TTLL5: variants seen among roughly 807,000 people sequenced by gnomAD.
TTLL5 encodes tubulin polyglutamylase TTLL5.
Under a neutral mutation model 168.4 loss-of-function variants are expected in TTLL5, and 132 were observed. That is an observed-to-expected ratio of 0.78 (90% CI 0.68 to 0.91). The LOEUF is 0.91. TTLL5 is among the 40% of genes least tolerant of loss of function. TTLL5 has a pLI of 0.00. For missense variants in TTLL5, 1,545 were observed against 1,581.5 expected, an observed-to-expected ratio of 0.98 and a Z score of 0.39; for synonymous variants, 546 against 558.6, an observed-to-expected ratio of 0.98 and a Z score of 0.32.
chr14:75,785,459 G>A (rs1474394360), intron 26 of TTLL5, among the ~76,000 whole-genome samples: 6 of 152,104 alleles, frequency 3.9e-5, no homozygotes, highest in African/African-American at 1.4e-4. Flanking sequence ...GATTACAGGC[G>A]TGAGCCACTG....
At chr14:75,696,502 A>G (rs367823614) in intron 6 of TTLL5, among the ~76,000 whole-genome samples, 3 of 152,340 alleles carry the variant, frequency 2.0e-5, no homozygotes, top group African/African-American at 7.2e-5. Flanking sequence ...GCAAAGTGAA[A>G]AAAATATATA....
intron 3 of TTLL5, among the ~76,000 whole-genome samples, chr14:75,673,502 C>G (rs1254997991): frequency 6.6e-6 from 1 of 152,154 alleles, no homozygotes; most frequent in African/African-American, 2.4e-5. Context: ...TTTGGTATTT[C>G]TTAGCTGTGA....
In TTLL5 at chr14:75,663,236, A is replaced by T. The variant is rs1386346178; in HGVS notation, c.74+13A>T. 1 of 1,607,690 alleles carries T rather than the reference A, an allele frequency of 6.2e-7. No individual in the cohort carries two copies. Among genetic ancestry groups the T allele is most frequent in the East Asian group, 2.2e-5 (1 of 44,808 alleles). On this transcript the variant is annotated intron_variant, in intron 2 of 31. Coordinates refer to ENST00000298832, the MANE Select transcript of TTLL5 (RefSeq NM_015072.5). ...TCATAAGTCAAGAGTAAGTAATAGCAAGCCTGCTTTCAACCTGTGCTTTGT... is the reference window on the plus strand; with the variant it reads ...TCATAAGTCAAGAGTAAGTAATAGCTAGCCTGCTTTCAACCTGTGCTTTGT...
At chr14:75,701,496 C>T (rs1018479291) in intron 7 of TTLL5, among the ~76,000 whole-genome samples, 2 of 152,200 alleles carry the variant, frequency 1.3e-5, no homozygotes, top group African/African-American at 4.8e-5. Flanking sequence ...AACATGTTGA[C>T]TCTCAGGCTT....
At chr14:75,867,819 A>G (rs2030653779) in intron 29 of TTLL5, among the ~76,000 whole-genome samples, 1 of 152,070 alleles carries the variant, frequency 6.6e-6, no homozygotes, top group Non-Finnish European at 1.5e-5. Flanking sequence ...CTGAATCTCA[A>G]GAGTTAGGAA....
intron 29 of TTLL5, among the ~76,000 whole-genome samples, chr14:75,881,582 A>G (rs1218562850): frequency 3.3e-5 from 5 of 152,232 alleles, no homozygotes; most frequent in Admixed American, 6.5e-5. Flanking sequence ...TAATACTAGC[A>G]AACTCTGTCT....
chr14:75,851,434 C>G (rs545557508), intron 28 of TTLL5, among the ~76,000 whole-genome samples: 1 of 152,274 alleles, frequency 6.6e-6, no homozygotes, highest in South Asian at 2.1e-4. Context: ...TATATAGCCG[C>G]TGCTGGTAAT....
intron 18 of TTLL5, chr14:75,757,759 A>G: frequency 7.2e-7 from 1 of 1,380,102 alleles, no homozygotes; most frequent in Non-Finnish European, 9.7e-7. Context: ...TCTGGAGTGC[A>G]TGTGTGTGTG....
intron 7 of TTLL5, among the ~76,000 whole-genome samples, chr14:75,704,695 T>G (rs1298233787): frequency 1.3e-5 from 2 of 152,226 alleles, no homozygotes; most frequent in African/African-American, 4.8e-5. Context: ...AAAGTTTTTC[T>G]TAGTTGCTCT....
intron 29 of TTLL5, among the ~76,000 whole-genome samples, chr14:75,878,535 C>T (rs545298882): frequency 3.9e-5 from 6 of 152,280 alleles, no homozygotes; most frequent in African/African-American, 1.4e-4. Context: ...CTTCTGTTTC[C>T]ATCTCATTGT....
At chr14:75,872,126 G>A (rs2031086254) in intron 29 of TTLL5, among the ~76,000 whole-genome samples, 1 of 152,188 alleles carries the variant, frequency 6.6e-6, no homozygotes, top group Non-Finnish European at 1.5e-5. Flanking sequence ...GGTCATGGCT[G>A]ATCCTTTGAT....
Position 75,720,586 on chromosome 14 carries a change from T to A in TTLL5, c.935-10T>A, listed in dbSNP as rs772154589. 16 of 1,607,100 alleles carry A rather than the reference T, an allele frequency of 1.0e-5. No homozygotes were observed. The highest frequency in any genetic ancestry group is 1.3e-5 in the Non-Finnish European group (15 of 1,174,690). On this transcript the variant is annotated splice_polypyrimidine_tract_variant and intron_variant, in intron 11 of 31. Coordinates refer to ENST00000298832, the MANE Select transcript of TTLL5 (RefSeq NM_015072.5). The stretch of plus-strand genomic sequence containing the variant: ...TATTGAGTCTGAAATTTAAAAATTT[T>A]TGTTTGCAGCATTGATGGCCCATGT...
At chr14:75,698,803 G>C (rs886502832) in intron 6 of TTLL5, among the ~76,000 whole-genome samples, 3 of 152,048 alleles carry the variant, frequency 2.0e-5, no homozygotes, top group African/African-American at 7.2e-5. Flanking sequence ...AACTCAGAAG[G>C]CTGAGGTGGG....
intron 15 of TTLL5, among the ~76,000 whole-genome samples, chr14:75,735,931 T>G (rs1203528807): frequency 6.6e-6 from 1 of 152,192 alleles, no homozygotes; most frequent in African/African-American, 2.4e-5. Context: ...TTTTCCACTT[T>G]TGTTTCTTGG....
chr14:75,716,765 A>C (rs1887492216), intron 9 of TTLL5, among the ~76,000 whole-genome samples: 1 of 152,170 alleles, frequency 6.6e-6, no homozygotes, highest in African/African-American at 2.4e-5. Context: ...ATTGAGCATC[A>C]CTGGAAAGTT....
chr14:75,947,439 G>A (rs2034810378), intron 31 of TTLL5, among the ~76,000 whole-genome samples: 1 of 152,104 alleles, frequency 6.6e-6, no homozygotes, highest in South Asian at 2.1e-4. Flanking sequence ...CACCAAGAAA[G>A]TGCTCAACCT....
intron 21 of TTLL5, among the ~76,000 whole-genome samples, chr14:75,774,354 C>T (rs879744959): frequency 1.7e-4 from 26 of 152,166 alleles, no homozygotes; most frequent in Admixed American, 1.7e-3. Flanking sequence ...CTGTGCCCTC[C>T]TTGACAACCC....
At chr14:75,874,067 A>G (rs1352089834) in intron 29 of TTLL5, among the ~76,000 whole-genome samples, 1 of 137,564 alleles carries the variant, frequency 7.3e-6, no homozygotes, top group Admixed American at 7.8e-5. Context: ...CCATGATTAA[A>G]TGGTTATTCT....
In TTLL5 at chr14:75,782,582, T is replaced by A. The variant is rs1309499486; in HGVS notation, c.2602+9T>A. The A allele has an allele frequency of 6.2e-7, 1 of 1,609,732 alleles. No homozygotes were observed. Among genetic ancestry groups the A allele is most frequent in the East Asian group, 2.2e-5 (1 of 44,820 alleles). ...TTCTGATAAATTATCTCGTGAGTGATTTCAAACCTACCTAGATTTGCTGCT... is the reference window on the plus strand; with the variant it reads ...TTCTGATAAATTATCTCGTGAGTGAATTCAAACCTACCTAGATTTGCTGCT... On this transcript the variant is annotated intron_variant, in intron 25 of 31. Coordinates refer to ENST00000298832, the MANE Select transcript of TTLL5 (RefSeq NM_015072.5).
Sources: allele counts gnomAD v4.1 joint callset (sites outside exome capture counted in the v4.1 genomes callset), GRCh38; gene constraint gnomAD v4.1.1; transcripts MANE v1.5; gene names NCBI Gene and HGNC (gene_info 2026-07-23, HGNC 2026-07-21).